CSMD3: variants seen among roughly 807,000 people sequenced by gnomAD.
The protein encoded by CSMD3 is CUB and Sushi multiple domains 3, also known as CUB and sushi domain-containing protein 3.
Under a neutral mutation model 435.2 loss-of-function variants are expected in CSMD3, and 177 were observed. The observed-to-expected ratio is 0.41, with a 90% CI of 0.36 to 0.46. The LOEUF (loss-of-function observed/expected upper bound fraction) is 0.46, where lower values mean the gene tolerates loss of function less well. Among genes scored for constraint, CSMD3 ranks in the 20% least tolerant of loss-of-function variants. The pLI is 0.34. For missense variants in CSMD3, 4,265 were observed against 4,504.6 expected, an observed-to-expected ratio of 0.95 and a Z score of 1.52; for synonymous variants, 1,656 against 1,520.5, an observed-to-expected ratio of 1.09 and a Z score of -2.07.
rs141036715 is a variant in CSMD3 at position 112,819,880 on chromosome 8, TA to T, written c.1859+9805del. Among the ~76,000 whole-genome samples, 490 of 152,310 alleles carry T rather than the reference TA, an allele frequency of 3.2e-3. 1 individual carries two copies. Among genetic ancestry groups the T allele is most frequent in the African/African-American group, 0.011 (464 of 41,578 alleles). On this transcript the variant is annotated intron_variant, in intron 12 of 70. Coordinates refer to ENST00000297405, the MANE Select transcript of CSMD3 (RefSeq NM_198123.2). Reference sequence around the variant, plus strand: ...GTAACACTATTTTCTTTCATTTTCCTAAGAGTAGCAGAAGAAAACTCAGCTA... The same window carrying T: ...GTAACACTATTTTCTTTCATTTTCCTAGAGTAGCAGAAGAAAACTCAGCTA...
At chr8:112,429,837 T>G (rs920564360) in intron 32 of CSMD3, among the ~76,000 whole-genome samples, 15 of 152,148 alleles carry the variant, frequency 9.9e-5, no homozygotes, top group African/African-American at 2.9e-4. Flanking sequence ...TCAGAAATTT[T>G]TTTTCTTTTT....
intron 3 of CSMD3, among the ~76,000 whole-genome samples, chr8:113,244,116 CT>C (rs2093250611): frequency 6.6e-6 from 1 of 152,144 alleles, no homozygotes; most frequent in African/African-American, 2.4e-5. Flanking sequence ...TGTATTTTCA[CT>C]TTCTTTTTGG....
At chr8:113,334,261 A>G (rs1041070662) in intron 1 of CSMD3, among the ~76,000 whole-genome samples, 1 of 146,080 alleles carries the variant, frequency 6.8e-6, no homozygotes, top group Non-Finnish European at 1.5e-5. Context: ...AATATCTGCA[A>G]CTAGGGATAG....
chr8:112,778,209 T>C (rs929429140), intron 13 of CSMD3, among the ~76,000 whole-genome samples: 1 of 151,894 alleles, frequency 6.6e-6, no homozygotes, highest in African/African-American at 2.4e-5. Context: ...GAAACTACAC[T>C]GACACATCAT....
intron 27 of CSMD3, among the ~76,000 whole-genome samples, chr8:112,539,628 G>A (rs145964012): frequency 6.6e-6 from 1 of 152,088 alleles, no homozygotes; most frequent in African/African-American, 2.4e-5. Context: ...TACATCTACA[G>A]CCAACTCATT....
At position 112,352,652 on chromosome 8, in the gene CSMD3, G is replaced by A. The variant is rs529626414; in HGVS notation, c.6137-118C>T. The A allele has an allele frequency of 3.4e-4, 300 of 877,746 alleles. 1 individual carries two copies. Among genetic ancestry groups the A allele is most frequent in the Middle Eastern group, 1.7e-3 (5 of 3,006 alleles). The allele number at this position is 877,746 out of a possible 1,614,324, so 54.4% of individuals were successfully genotyped here. On this transcript the variant is annotated intron_variant, in intron 38 of 70. Transcript: ENST00000297405. Reference sequence around the variant, plus strand: ...CTCATCAAACTAGATACTATATTGAGACGTTGAGAACGTTCTGTGAACAAG... The same window carrying A: ...CTCATCAAACTAGATACTATATTGAAACGTTGAGAACGTTCTGTGAACAAG...
intron 2 of CSMD3, among the ~76,000 whole-genome samples, chr8:113,283,373 C>T (rs2093625558): frequency 6.6e-6 from 1 of 151,600 alleles, no homozygotes; most frequent in Non-Finnish European, 1.5e-5. Flanking sequence ...GTAACCAACT[C>T]AAATCAGTAA....
intron 11 of CSMD3, 143 bp from the exon 12 acceptor site, chr8:112,829,932 G>A (rs925302154): frequency 6.8e-6 from 4 of 588,150 alleles, no homozygotes; most frequent in African/African-American, 3.8e-5. Flanking sequence ...CACACAAGCA[G>A]TTCAATTATG....
intron 8 of CSMD3, among the ~76,000 whole-genome samples, chr8:112,950,481 A>ATT (rs564674866): frequency 5.3e-5 from 8 of 151,968 alleles, no homozygotes; most frequent in African/African-American, 1.7e-4. Context: ...GAAAAATCCC[A>ATT]TTTTTTACAT....
chr8:112,387,728 CAT>C (rs1030251473), intron 36 of CSMD3, among the ~76,000 whole-genome samples: 192 of 152,220 alleles, frequency 1.3e-3, no homozygotes, highest in African/African-American at 4.5e-3. Flanking sequence ...TAGTGTTATT[CAT>C]ATGTGTCCAG....
intron 23 of CSMD3, among the ~76,000 whole-genome samples, chr8:112,583,455 T>A (rs1830482819): frequency 6.6e-6 from 1 of 152,030 alleles, no homozygotes; most frequent in Non-Finnish European, 1.5e-5. Context: ...AAGTTTTTTT[T>A]AATGTGAACA....
At chr8:112,818,096 T>A (rs1292182434) in intron 12 of CSMD3, among the ~76,000 whole-genome samples, 1 of 151,888 alleles carries the variant, frequency 6.6e-6, no homozygotes, top group Non-Finnish European at 1.5e-5. Context: ...TTATGAACTA[T>A]TTTTTTATGG....
chr8:113,248,547 T>C (rs955760186), intron 3 of CSMD3, among the ~76,000 whole-genome samples: 6 of 146,540 alleles, frequency 4.1e-5, no homozygotes, highest in Non-Finnish European at 9.0e-5. Flanking sequence ...CATATATATA[T>C]ATACACACAC....
intron 3 of CSMD3, among the ~76,000 whole-genome samples, chr8:113,217,352 G>A (rs1019346187): frequency 1.3e-5 from 2 of 151,288 alleles, no homozygotes; most frequent in Non-Finnish European, 3.0e-5. Flanking sequence ...AATGTGACCC[G>A]TGATCAGACA....
intron 1 of CSMD3, among the ~76,000 whole-genome samples, chr8:113,395,608 CAA>C (rs34549872): frequency 0.47 from 51,466 of 110,094 alleles, 8,644 homozygotes; most frequent in East Asian, 0.51. Context: ...GACTCCGTCT[CAA>C]AAAAAAAAAA....
intron 1 of CSMD3, among the ~76,000 whole-genome samples, chr8:113,340,855 C>G (rs201702326): frequency 8.3e-6 from 1 of 120,842 alleles, no homozygotes; most frequent in Non-Finnish European, 1.7e-5. Flanking sequence ...GGCGACAAAG[C>G]AAGACTTTGT....
At chr8:112,492,992 C>A (rs1340494521) in intron 30 of CSMD3, among the ~76,000 whole-genome samples, 1 of 152,032 alleles carries the variant, frequency 6.6e-6, no homozygotes, top group African/African-American at 2.4e-5. Flanking sequence ...AGGTTTGGAA[C>A]CAGTTACCCA....
chr8:112,569,812 T>A (rs1829361526), intron 24 of CSMD3, among the ~76,000 whole-genome samples: 1 of 152,170 alleles, frequency 6.6e-6, no homozygotes, highest in Admixed American at 6.5e-5. Flanking sequence ...TCCTCATTCC[T>A]TTCTCTTTGC....
At chr8:113,241,534 T>A (rs374653015) in intron 3 of CSMD3, among the ~76,000 whole-genome samples, 2 of 151,788 alleles carry the variant, frequency 1.3e-5, no homozygotes, top group East Asian at 3.9e-4. Flanking sequence ...ATCTAATATA[T>A]AATCATCCTG....
Sources: allele counts gnomAD v4.1 joint callset (sites outside exome capture counted in the v4.1 genomes callset), GRCh38; gene constraint gnomAD v4.1.1; transcripts MANE v1.5; gene names NCBI Gene and HGNC (gene_info 2026-07-23, HGNC 2026-07-21).